Variants in BBOX1 observed in about 807,000 individuals in gnomAD.
The protein encoded by BBOX1 is gamma-butyrobetaine hydroxylase 1, also known as gamma-butyrobetaine dioxygenase.
BBOX1 carries 35 observed loss-of-function variants against 41.6 expected under a neutral mutation model. That is an observed-to-expected ratio of 0.84 (90% confidence interval 0.64 to 1.11). The LOEUF is 1.11. Ranked by LOEUF, BBOX1 falls within the 50% of genes most tolerant of loss-of-function variation. The probability of loss-of-function intolerance (pLI) is 0.00; values close to 1 mark genes in which losing one functional copy is unlikely to be tolerated. For missense variants in BBOX1, 458 were observed against 460.6 expected, an observed-to-expected ratio of 0.99 and a Z score of 0.05; for synonymous variants, 163 against 154.7, an observed-to-expected ratio of 1.05 and a Z score of -0.40.
chr11:27,068,180 T>A (rs541785341), intron 4 of BBOX1, among the ~76,000 whole-genome samples: 1 of 152,294 alleles, frequency 6.6e-6, no homozygotes, highest in South Asian at 2.1e-4. Context: ...TTGTCCTAAT[T>A]TACATTCCTA....
At chr11:27,087,346 T>A (rs536014946) in intron 4 of BBOX1, among the ~76,000 whole-genome samples, 8 of 152,078 alleles carry the variant, frequency 5.3e-5, no homozygotes, top group Non-Finnish European at 1.2e-4. Context: ...TCCACTCTGA[T>A]CAGTCAGCAA....
At chr11:27,064,950 A>T (rs892399879) in intron 4 of BBOX1, among the ~76,000 whole-genome samples, 1 of 151,606 alleles carries the variant, frequency 6.6e-6, no homozygotes. Context: ...GCCCATATAC[A>T]ATAGTGGTGT....
At chr11:27,065,639 C>T (rs1357172733) in intron 4 of BBOX1, among the ~76,000 whole-genome samples, 2 of 152,094 alleles carry the variant, frequency 1.3e-5, no homozygotes, top group Non-Finnish European at 2.9e-5. Context: ...ACTTATCTTC[C>T]TCTTTCCTTT....
chr11:27,078,955 C>A (rs1055150899), intron 4 of BBOX1, among the ~76,000 whole-genome samples: 3 of 152,158 alleles, frequency 2.0e-5, no homozygotes, highest in African/African-American at 7.2e-5. Context: ...GTCTGGCACA[C>A]TGTGGATGCT....
intron 4 of BBOX1, among the ~76,000 whole-genome samples, chr11:27,071,143 G>A (rs1857433862): frequency 6.6e-6 from 1 of 152,062 alleles, no homozygotes; most frequent in Non-Finnish European, 1.5e-5. Flanking sequence ...AGGAGGCAAA[G>A]GAGGGCAGAT....
rs2134123421 is a variant in BBOX1 at position 27,127,597 on chromosome 11, A to C, written c.*144A>C. ...AACTTCTCTCACAAGAGTACTCTTT[A>C]CTTTGTAATCATATACAATGTCAAC... On this transcript the variant is annotated 3_prime_UTR_variant, in exon 9 of 9. Coordinates refer to ENST00000263182, the MANE Select transcript of BBOX1 (RefSeq NM_003986.3). 1 of 944,818 alleles carries C rather than the reference A, an allele frequency of 1.1e-6. No individual in the cohort carries two copies. The highest frequency in any genetic ancestry group is 1.5e-6 in the Non-Finnish European group (1 of 654,582). The allele number at this position is 944,818 out of a possible 1,614,324, so 58.5% of individuals were successfully genotyped here.
chr11:27,045,146 C>T (rs1216152676), intron 2 of BBOX1, among the ~76,000 whole-genome samples: 1 of 151,976 alleles, frequency 6.6e-6, no homozygotes, highest in East Asian at 1.9e-4. Context: ...TCCTTCACAT[C>T]CCTTCTAACT....
chr11:27,120,489 G>A (rs1263841170), intron 7 of BBOX1, among the ~76,000 whole-genome samples: 3 of 152,006 alleles, frequency 2.0e-5, no homozygotes, highest in African/African-American at 4.8e-5. Context: ...TGAATCACAC[G>A]GACTGAGAAT....
At chr11:27,088,815 A>G (rs1387327200) in intron 4 of BBOX1, among the ~76,000 whole-genome samples, 1 of 152,022 alleles carries the variant, frequency 6.6e-6, no homozygotes, top group Non-Finnish European at 1.5e-5. Context: ...TCCCTTCTCT[A>G]TAACACAGCA....
intron 4 of BBOX1, among the ~76,000 whole-genome samples, chr11:27,077,618 A>G (rs1469506337): frequency 3.4e-5 from 1 of 29,128 alleles, no homozygotes; most frequent in Non-Finnish European, 1.7e-4. Flanking sequence ...CACCATCTAA[A>G]AAAAAAAAAA....
intron 5 of BBOX1, among the ~76,000 whole-genome samples, chr11:27,095,831 T>C (rs1337767312): frequency 6.6e-6 from 1 of 151,976 alleles, no homozygotes; most frequent in Admixed American, 6.6e-5. Context: ...TTTTTCCATT[T>C]CTCTGCATAG....
chr11:27,123,591 G>C (rs987186008), intron 7 of BBOX1, among the ~76,000 whole-genome samples: 1 of 152,122 alleles, frequency 6.6e-6, no homozygotes, highest in Non-Finnish European at 1.5e-5. Context: ...GAAGCAGTAG[G>C]GCTAGAATCT....
chr11:27,080,921 C>T (rs1036045414), intron 4 of BBOX1, among the ~76,000 whole-genome samples: 4 of 152,104 alleles, frequency 2.6e-5, no homozygotes, highest in Admixed American at 6.6e-5. Flanking sequence ...AGCAGGCACA[C>T]GATGTTAAAT....
intron 7 of BBOX1, among the ~76,000 whole-genome samples, chr11:27,121,230 G>A (rs900870563): frequency 6.6e-6 from 1 of 152,064 alleles, no homozygotes; most frequent in Non-Finnish European, 1.5e-5. Flanking sequence ...GAGTGTTCAA[G>A]GAACATCAAG....
chr11:27,112,094 C>T (rs1740119705), intron 5 of BBOX1, among the ~76,000 whole-genome samples: 1 of 151,930 alleles, frequency 6.6e-6, no homozygotes, highest in South Asian at 2.1e-4. Context: ...CCAGAAACTG[C>T]ACCATGAGTA....
At chr11:27,074,568 C>A (rs559022930) in intron 4 of BBOX1, among the ~76,000 whole-genome samples, 2 of 152,142 alleles carry the variant, frequency 1.3e-5, no homozygotes, top group Non-Finnish European at 2.9e-5. Context: ...AGAAAGGCAG[C>A]ATTTTGCCCC....
intron 2 of BBOX1, among the ~76,000 whole-genome samples, chr11:27,053,024 C>T (rs1447895842): frequency 6.6e-6 from 1 of 152,104 alleles, no homozygotes; most frequent in African/African-American, 2.4e-5. Flanking sequence ...CTAATCTTAG[C>T]TACAAAGAAA....
chr11:27,096,898 C>A (rs572001489), intron 5 of BBOX1, among the ~76,000 whole-genome samples: 45 of 152,110 alleles, frequency 3.0e-4, no homozygotes, highest in Non-Finnish European at 5.0e-4. Flanking sequence ...CAATAACTTT[C>A]AGGACAAAAG....
At chr11:27,104,906 A>G (rs1336720908) in intron 5 of BBOX1, among the ~76,000 whole-genome samples, 4 of 152,192 alleles carry the variant, frequency 2.6e-5, no homozygotes, top group African/African-American at 9.6e-5. Flanking sequence ...CCAGAGGAAG[A>G]ATCAGGCAGC....
Sources: gnomAD v4.1 joint callset for allele counts (sites outside exome capture counted in the v4.1 genomes callset) on GRCh38, gnomAD v4.1.1 for gene constraint, MANE v1.5 for transcripts, NCBI Gene and HGNC (gene_info 2026-07-23, HGNC 2026-07-21) for gene names.